SEC14L1: variants seen among roughly 807,000 people sequenced by gnomAD.
SEC14L1 encodes SEC14-like protein 1.
In SEC14L1, 48 loss-of-function variants were observed where a neutral mutation model predicts 85.3. The ratio of observed to expected loss-of-function variants is 0.56; its 90% CI spans 0.45 to 0.72. The LOEUF is 0.72. Among genes scored for constraint, SEC14L1 ranks in the 30% least tolerant of loss-of-function variants. The pLI is 0.00. For missense variants in SEC14L1, 682 were observed against 921.4 expected (o/e 0.74, Z 3.36); for synonymous variants, 391 against 355.5 (o/e 1.10, Z -1.12).
At chr17:77,150,503 T>C (rs1973507015) in intron 3 of SEC14L1, among the ~76,000 whole-genome samples, 1 of 152,268 alleles carries the variant, frequency 6.6e-6, no homozygotes, top group Non-Finnish European at 1.5e-5. Flanking sequence ...GGCATTTATA[T>C]TGAAGCTCTT....
chr17:77,151,909 G>C (rs748682333), intron 3 of SEC14L1, among the ~76,000 whole-genome samples: 1 of 152,172 alleles, frequency 6.6e-6, no homozygotes, highest in Non-Finnish European at 1.5e-5. Flanking sequence ...GTGTATTAAA[G>C]CAGATTTCAG....
intron 3 of SEC14L1, among the ~76,000 whole-genome samples, chr17:77,124,196 T>C (rs998023868): frequency 6.6e-6 from 1 of 152,098 alleles, no homozygotes; most frequent in African/African-American, 2.4e-5. Context: ...AGACACTGTC[T>C]CTACAAAAAA....
At chr17:77,129,129 G>A (rs1598264515) in intron 3 of SEC14L1, among the ~76,000 whole-genome samples, 1 of 152,126 alleles carries the variant, frequency 6.6e-6, no homozygotes, top group Non-Finnish European at 1.5e-5. Context: ...TAATCTATGT[G>A]TACAGAACAT....
rs531476839 is a variant in SEC14L1 at position 77,146,999 on chromosome 17, G to A, written c.63+3340G>A. Among the ~76,000 whole-genome samples the A allele has an allele frequency of 1.2e-4, 19 of 152,330 alleles. No homozygotes were observed. In the East Asian group the frequency reaches 3.5e-3, roughly 28 times the overall value. On this transcript the variant is annotated intron_variant, in intron 3 of 16. Transcript: ENST00000436233. ...TCAGAGTGAGGAAAGAGGTATATAT[G>A]CAGTTAAGGTGAGAACGGAACCGTA... is the stretch of plus-strand genomic sequence containing the variant.
intron 3 of SEC14L1, among the ~76,000 whole-genome samples, chr17:77,177,936 G>T (rs1974832217): frequency 6.6e-6 from 1 of 152,064 alleles, no homozygotes; most frequent in Non-Finnish European, 1.5e-5. Context: ...TGTCATTGGG[G>T]GACAGAGTTG....
intron 7 of SEC14L1, among the ~76,000 whole-genome samples, chr17:77,195,955 G>T (rs1399377321): frequency 6.6e-6 from 1 of 152,098 alleles, no homozygotes; most frequent in African/African-American, 2.4e-5. Flanking sequence ...TTTGGCAATA[G>T]AGGTAACTCA....
intron 3 of SEC14L1, among the ~76,000 whole-genome samples, chr17:77,114,170 A>G (rs1479381343): frequency 6.6e-6 from 1 of 152,152 alleles, no homozygotes; most frequent in Non-Finnish European, 1.5e-5. Context: ...GGCCACCTGG[A>G]TATCTGTGAC....
At chr17:77,159,772 G>C (rs911252390) in intron 3 of SEC14L1, among the ~76,000 whole-genome samples, 1 of 152,170 alleles carries the variant, frequency 6.6e-6, no homozygotes, top group Non-Finnish European at 1.5e-5. Context: ...TGAAAATACA[G>C]CTTTAATTTA....
At chr17:77,158,795 T>C (rs1365027017) in intron 3 of SEC14L1, among the ~76,000 whole-genome samples, 3 of 140,786 alleles carry the variant, frequency 2.1e-5, no homozygotes, top group Non-Finnish European at 3.0e-5. Context: ...ATAGCTTTCT[T>C]TCCTTTTTTT....
At position 77,203,613 on chromosome 17, in the gene SEC14L1, C is replaced by T; in HGVS notation, c.1053C>T (p.Thr351=). The part of the protein sequence containing the change: ...LYVLRLGQMD[T]KGLVRALGEE... ...TGCTCAGGCTGGGGCAGATGGACACCAAAGGCTTGGTGAGAGCGCTCGGGG... is the reference window on the plus strand; with the variant it reads ...TGCTCAGGCTGGGGCAGATGGACACTAAAGGCTTGGTGAGAGCGCTCGGGG... The change falls in exon 10 of 17, where the codon ACC becomes ACT. Residue 351 remains threonine, a synonymous_variant. Coordinates refer to ENST00000436233, the MANE Select transcript of SEC14L1 (RefSeq NM_001143998.2). 6.2e-7 allele frequency: 1 copy of T among 1,613,816 alleles called. No individual in the cohort carries two copies. The highest frequency in any genetic ancestry group is 8.5e-7 in the Non-Finnish European group (1 of 1,179,936).
At position 77,213,521 on chromosome 17, in the gene SEC14L1, T is replaced by C. The variant is rs1055002546; in HGVS notation, c.2042+29T>C. 7.5e-6 allele frequency: 12 copies of C among 1,601,178 alleles called. No homozygotes were observed. The highest frequency in any genetic ancestry group is 1.3e-5 in the African/African-American group (1 of 74,924). ...CGGCCACCCTCGCCACAGCAGGTGCTGCGGACAGCTGGGCATGGTTGGAGG... is the reference window on the plus strand; with the variant it reads ...CGGCCACCCTCGCCACAGCAGGTGCCGCGGACAGCTGGGCATGGTTGGAGG... On this transcript the variant is annotated intron_variant, in intron 16 of 16. Coordinates refer to ENST00000436233, the MANE Select transcript of SEC14L1 (RefSeq NM_001143998.2). The surrounding 1 kb of genome is among the most constrained non-coding windows in gnomAD (Gnocchi z 7.1).
At chr17:77,157,631 G>A (rs1973868585) in intron 3 of SEC14L1, among the ~76,000 whole-genome samples, 1 of 151,854 alleles carries the variant, frequency 6.6e-6, no homozygotes, top group Admixed American at 6.6e-5. Context: ...AGGTTCAAGC[G>A]ATTCTTCTGC....
chr17:77,176,284 C>CA (rs571807487), intron 3 of SEC14L1, among the ~76,000 whole-genome samples: 156 of 151,368 alleles, frequency 1.0e-3, no homozygotes, highest in African/African-American at 3.6e-3. Context: ...GAGCGAAACT[C>CA]AGTCTTGAAA....
At chr17:77,135,078 G>A (rs747020000) in intron 3 of SEC14L1, among the ~76,000 whole-genome samples, 5 of 152,056 alleles carry the variant, frequency 3.3e-5, no homozygotes, top group African/African-American at 4.8e-5. Flanking sequence ...TCTTATTACC[G>A]AAGCCCAGGA....
chr17:77,205,352 T>C lies in SEC14L1; in HGVS notation c.1169+6T>C, dbSNP rs770856941. On this transcript the variant is annotated splice_donor_region_variant and intron_variant, in intron 11 of 16. Coordinates refer to ENST00000436233, the MANE Select transcript of SEC14L1 (RefSeq NM_001143998.2). ...GTCTTTGGTCGGCCTATCAGGTAGA[T>C]GTGGGATTTTGTTTTTCCTTTCAAC... The C allele has an allele frequency of 6.2e-7, 1 of 1,612,394 alleles. No individual in the cohort carries two copies. The highest frequency in any genetic ancestry group is 1.3e-5 in the African/African-American group (1 of 74,922).
intron 3 of SEC14L1, among the ~76,000 whole-genome samples, chr17:77,117,680 G>T (rs1439779447): frequency 6.6e-6 from 1 of 152,190 alleles, no homozygotes; most frequent in Non-Finnish European, 1.5e-5. Flanking sequence ...GAAATATTTG[G>T]TAGGCTTGAG....
intron 3 of SEC14L1, among the ~76,000 whole-genome samples, chr17:77,178,396 G>A (rs978271455): frequency 6.6e-6 from 1 of 152,228 alleles, no homozygotes; most frequent in East Asian, 1.9e-4. Flanking sequence ...TAAATCAGAT[G>A]AGTGACCTCT....
chr17:77,180,185 C>G (rs568284311), intron 3 of SEC14L1, among the ~76,000 whole-genome samples: 2 of 151,752 alleles, frequency 1.3e-5, no homozygotes, highest in South Asian at 2.1e-4. Flanking sequence ...TTCACTGCAA[C>G]CCCTGCCTCC....
At chr17:77,112,973 C>A (rs866898076) in intron 3 of SEC14L1, among the ~76,000 whole-genome samples, 1 of 151,974 alleles carries the variant, frequency 6.6e-6, no homozygotes, top group South Asian at 2.1e-4. Flanking sequence ...CGAGACCAGC[C>A]TAGGCAGCAA....
Sources: gnomAD v4.1 joint callset for allele counts (sites outside exome capture counted in the v4.1 genomes callset) on GRCh38, gnomAD v4.1.1 for gene constraint, Gnocchi (gnomAD v3.1) non-coding constraint, MANE v1.5 for transcripts, NCBI Gene and HGNC (gene_info 2026-07-23, HGNC 2026-07-21) for gene names.